ABCB5: variants seen among roughly 807,000 people sequenced by gnomAD.
ABCB5 encodes ATP-binding cassette sub-family B member 5.
A neutral mutation model predicts 144.2 loss-of-function variants in ABCB5; 155 were observed. The observed-to-expected ratio is 1.08, with a 90% CI of 0.94 to 1.23. The LOEUF (loss-of-function observed/expected upper bound fraction) is 1.23, where lower values mean the gene tolerates loss of function less well. Ranked by LOEUF, ABCB5 falls within the 50% of genes most tolerant of loss-of-function variation. The probability of loss-of-function intolerance (pLI) is 0.00; values close to 1 mark genes in which losing one functional copy is unlikely to be tolerated. For synonymous variants in ABCB5, 610 were observed against 528.6 expected, an observed-to-expected ratio of 1.15 and a Z score of -2.11; for missense variants, 1,830 against 1,520.8, an observed-to-expected ratio of 1.20 and a Z score of -3.38.
Position 20,753,435 on chromosome 7 carries a change from G to T in ABCB5, c.3505G>T (p.Ala1169Ser), listed in dbSNP as rs1782992518. ...GAAACAAAGACTAGCTATTGCAAGG[G>T]CTCTTCTCCAAAAACCCAAAATTTT... ...GQKQRLAIAR[A>S]LLQKPKILLL... is the part of the protein sequence containing the mutation. Residue 1169 changes from alanine (A) to serine (S), a missense_variant, in exon 27 of 28, where the codon GCT (alanine) becomes TCT (serine). Transcript: ENST00000404938. 6.2e-7 allele frequency: 1 copy of T among 1,614,078 alleles called. No individual in the cohort carries two copies. The highest frequency in any genetic ancestry group is 1.3e-5 in the African/African-American group (1 of 75,042).
chr7:20,667,546 C>G lies in ABCB5; in HGVS notation c.1707+8870C>G, dbSNP rs374825220. Reference sequence around the variant, plus strand: ...CTCTTTTATATTTTCTAATTAAATTCCATACACATTAATTTGAGAACTGTT... The same window carrying G: ...CTCTTTTATATTTTCTAATTAAATTGCATACACATTAATTTGAGAACTGTT... On this transcript the variant is annotated intron_variant, in intron 14 of 27. Coordinates refer to ENST00000404938, the MANE Select transcript of ABCB5 (RefSeq NM_001163941.2). 18 of 976,182 alleles carry G rather than the reference C, an allele frequency of 1.8e-5. No individual in the cohort carries two copies. The East Asian group carries it at 3.4e-4, about 19-fold the overall frequency. 60.5% of individuals were successfully genotyped at this position (976,182 alleles called of 1,614,324 possible). A position where few individuals can be genotyped will look rare whatever the true frequency, so the allele number is the denominator to read the frequency against.
At chr7:20,675,155 A>G (rs1217757007) in intron 14 of ABCB5, among the ~76,000 whole-genome samples, 1 of 151,984 alleles carries the variant, frequency 6.6e-6, no homozygotes, top group Non-Finnish European at 1.5e-5. Context: ...CCTAAAATTA[A>G]TAAGAAACCA....
Position 20,747,158 on chromosome 7 carries a change from A to T in ABCB5, c.3429+1720A>T, listed in dbSNP as rs562018167. Among the ~76,000 whole-genome samples, 37 of 152,360 alleles carry T rather than the reference A, an allele frequency of 2.4e-4. 2 individuals are homozygous for T. The South Asian group carries it at 7.2e-3, about 30-fold the overall frequency. The stretch of plus-strand genomic sequence containing the variant: ...TCTTTTAATGGCAACTTCCTTTTTA[A>T]CCATGACACTCACTGCATTGTTAAT... On this transcript the variant is annotated intron_variant, in intron 26 of 27. Transcript: ENST00000404938.
At position 20,644,229 on chromosome 7, in the gene ABCB5, C is replaced by A. The variant is rs529225375; in HGVS notation, c.678+597C>A. Among the ~76,000 whole-genome samples, 3 of 152,110 alleles carry A rather than the reference C, an allele frequency of 2.0e-5. No homozygotes were observed. The South Asian group carries it at 6.2e-4, about 32-fold the overall frequency. ...GATCCCAAGTAGCTGGGACTACAGG[C>A]AACCACGCCCAGCTAACTTTTGTAT... On this transcript the variant is annotated intron_variant, in intron 7 of 27. Transcript: ENST00000404938.
chr7:20,648,142 T>A (rs1562537332), intron 11 of ABCB5, 64 bp downstream of exon 11: 1 of 982,000 alleles, frequency 1.0e-6, no homozygotes, highest in Non-Finnish European at 1.6e-6. Flanking sequence ...GGCCAAGATC[T>A]TCTCTGACAT....
At chr7:20,749,803 G>A (rs1782861019) in intron 26 of ABCB5, among the ~76,000 whole-genome samples, 1 of 152,178 alleles carries the variant, frequency 6.6e-6, no homozygotes, top group Non-Finnish European at 1.5e-5. Context: ...GAGGTGATCT[G>A]AGTATTGATC....
In ABCB5 at chr7:20,658,547, T is replaced by G. The variant is rs199799182; in HGVS notation, c.1578T>G (p.Ser526Arg). The change falls in exon 14 of 28, where the codon AGT (serine) becomes AGG (arginine). Residue 526 changes from serine (S) to arginine (R), a missense_variant. Coordinates refer to ENST00000404938, the MANE Select transcript of ABCB5 (RefSeq NM_001163941.2). ...TLVGEKGAQM[S>R]GGQKQRIAIA... ...TAGGGGAAAAAGGAGCTCAAATGAGTGGAGGGCAGAAACAGAGGATCGCAA... is the reference window on the plus strand; with the variant it reads ...TAGGGGAAAAAGGAGCTCAAATGAGGGGAGGGCAGAAACAGAGGATCGCAA... 1.9e-4 allele frequency: 305 copies of G among 1,613,952 alleles called. No homozygotes were observed. Among genetic ancestry groups the G allele is most frequent in the Admixed American group, 2.5e-4 (15 of 59,978 alleles).
chr7:20,658,371 C>A, intron 13 of ABCB5, 135 bp from the exon 14 acceptor site: 3 of 602,898 alleles, frequency 5.0e-6, no homozygotes, highest in East Asian at 3.6e-5. Context: ...AAGAACAAAT[C>A]AAAAGACATA....
At chr7:20,695,974 A>C (rs2128042505) in intron 16 of ABCB5, among the ~76,000 whole-genome samples, 1 of 152,148 alleles carries the variant, frequency 6.6e-6, no homozygotes, top group East Asian at 1.9e-4. Flanking sequence ...GGGAGTATAA[A>C]ATGCTAAAGC....
intron 26 of ABCB5, among the ~76,000 whole-genome samples, chr7:20,746,420 C>G (rs1304280528): frequency 1.3e-5 from 2 of 152,186 alleles, no homozygotes; most frequent in Non-Finnish European, 2.9e-5. Context: ...ACTTTCAAGC[C>G]CTTTCAAATG....
At chr7:20,733,173 C>T (rs909522013) in intron 23 of ABCB5, among the ~76,000 whole-genome samples, 1 of 151,390 alleles carries the variant, frequency 6.6e-6, no homozygotes, top group Non-Finnish European at 1.5e-5. Flanking sequence ...GTTTGGTTTA[C>T]TCAACGTACA....
chr7:20,627,460 T>C (rs1783934990), intron 3 of ABCB5, among the ~76,000 whole-genome samples: 1 of 152,196 alleles, frequency 6.6e-6, no homozygotes, highest in South Asian at 2.1e-4. Flanking sequence ...TAAGTTCCTC[T>C]TGCTGTTATT....
Position 20,626,528 on chromosome 7 carries a change from C to T in ABCB5, c.54-29C>T, listed in dbSNP as rs375221629. 3.8e-6 allele frequency: 6 copies of T among 1,588,310 alleles called. No homozygotes were observed. The Admixed American group carries it at 7.2e-5, about 19-fold the overall frequency. ...TTTGCAAATTATATTCACATTGTAA[C>T]TGCTGCATTTTGAACTTTTATTTTC... is the stretch of plus-strand genomic sequence containing the variant. On this transcript the variant is annotated intron_variant, in intron 2 of 27. Transcript: ENST00000404938.
intron 14 of ABCB5, among the ~76,000 whole-genome samples, chr7:20,678,065 C>G (rs1446539027): frequency 6.6e-6 from 1 of 151,238 alleles, no homozygotes; most frequent in African/African-American, 2.5e-5. Context: ...ATTGGGAAAA[C>G]TGAGATGAGA....
chr7:20,681,773 C>T lies in ABCB5; in HGVS notation c.1869+107C>T. On this transcript the variant is annotated intron_variant, in intron 15 of 27. Transcript: ENST00000404938. ...AATTATAATCTTAAATTTCAAAAAG[C>T]AACCAAGGTTTATAGTTCCTCAGTA... The T allele has an allele frequency of 1.2e-5, 16 of 1,315,618 alleles. No individual in the cohort carries two copies. In the South Asian group the frequency reaches 2.4e-4, roughly 20 times the overall value. 81.5% of individuals were successfully genotyped at this position (1,315,618 alleles called of 1,614,324 possible).
At chr7:20,731,994 G>T (rs1422525998) in intron 23 of ABCB5, among the ~76,000 whole-genome samples, 1 of 152,144 alleles carries the variant, frequency 6.6e-6, no homozygotes, top group Non-Finnish European at 1.5e-5. Flanking sequence ...TTAAAATTCT[G>T]CAAGATCTAG....
At chr7:20,615,993 A>T (rs1213858818) in intron 1 of ABCB5, among the ~76,000 whole-genome samples, 156 bp downstream of exon 1, 3 of 152,182 alleles carry the variant, frequency 2.0e-5, no homozygotes, top group Non-Finnish European at 4.4e-5. Context: ...TGATCATCCT[A>T]CTATTATTTT....
chr7:20,638,421 T>C (rs1262085824), intron 5 of ABCB5, among the ~76,000 whole-genome samples: 4 of 152,234 alleles, frequency 2.6e-5, no homozygotes, highest in African/African-American at 9.6e-5. Flanking sequence ...AACTTAATGA[T>C]TTTTAGTAAA....
rs149981373 is a variant in ABCB5 at position 20,657,384 on chromosome 7, T to A, written c.1537-1122T>A. ...TTTGTGTTTTCTTGTGTGTTGTTTG[T>A]TTTTGCTAAATCTGGCAACCCAAGG... On this transcript the variant is annotated intron_variant, in intron 13 of 27. Coordinates refer to ENST00000404938, the MANE Select transcript of ABCB5 (RefSeq NM_001163941.2). Among the ~76,000 whole-genome samples, 6 of 152,372 alleles carry A rather than the reference T, an allele frequency of 3.9e-5. No homozygotes were observed. The East Asian group carries it at 1.2e-3, about 29-fold the overall frequency.
Sources: allele counts gnomAD v4.1 joint callset (sites outside exome capture counted in the v4.1 genomes callset), GRCh38; gene constraint gnomAD v4.1.1; transcripts MANE v1.5; gene names NCBI Gene and HGNC (gene_info 2026-07-23, HGNC 2026-07-21).